Variants in PTPRB observed in about 807,000 individuals in gnomAD.
PTPRB encodes the protein protein tyrosine phosphatase receptor type B.
A neutral mutation model predicts 238.1 loss-of-function variants in PTPRB; 97 were observed. The observed-to-expected ratio is 0.41, with a 90% CI of 0.35 to 0.48. The LOEUF is 0.48. Among genes scored for constraint, PTPRB ranks in the 20% least tolerant of loss-of-function variants. PTPRB has a pLI of 0.30. For missense variants in PTPRB, 2,292 were observed against 2,681.9 expected (o/e 0.85, Z 3.21); for synonymous variants, 970 against 995.4 (o/e 0.97, Z 0.48).
intron 21 of PTPRB, among the ~76,000 whole-genome samples, chr12:70,547,016 T>G (rs954507801): frequency 3.3e-5 from 5 of 151,922 alleles, no homozygotes; most frequent in East Asian, 1.9e-4. Context: ...TCCTTTTTTT[T>G]TTTGTTTTTG....
chr12:70,571,204 G>A lies in PTPRB; in HGVS notation c.3192C>T (p.Val1064=), dbSNP rs765180328. The A allele has an allele frequency of 1.4e-5, 23 of 1,613,858 alleles. No individual in the cohort carries two copies. The highest frequency in any genetic ancestry group is 2.7e-5 in the African/African-American group (2 of 75,010). The change falls in exon 13 of 34, where the codon GTC becomes GTT. Residue 1064 remains valine (V), a synonymous_variant. Transcript: ENST00000334414. The part of the protein sequence containing the change: ...HVTWSGANGD[V]DQYEIQLLFN... ...AGAGCAGCTGGATCTCATATTGGTC[G>A]ACATCCCCATTAGCTCCTGACCAAG...
At chr12:70,619,310 GATGATAATGATA>G (rs746298593) in intron 3 of PTPRB, among the ~76,000 whole-genome samples, 9 of 143,352 alleles carry the variant, frequency 6.3e-5, no homozygotes, top group Non-Finnish European at 9.0e-5. Flanking sequence ...TGATGATGAT[GATGATAATGATA>G]ATGATAATGA....
intron 3 of PTPRB, among the ~76,000 whole-genome samples, chr12:70,613,282 C>G (rs1884541098): frequency 6.6e-6 from 1 of 152,004 alleles, no homozygotes; most frequent in South Asian, 2.1e-4. Context: ...CATTTCTTTC[C>G]TCCCTCCTGC....
intron 19 of PTPRB, 111 bp downstream of exon 19, chr12:70,555,759 A>G: frequency 7.4e-7 from 1 of 1,359,734 alleles, no homozygotes. Flanking sequence ...AGGCTTATGC[A>G]AAAGTGAAGT....
chr12:70,611,795 A>G (rs1281185304), intron 3 of PTPRB, among the ~76,000 whole-genome samples: 6 of 152,134 alleles, frequency 3.9e-5, no homozygotes, highest in African/African-American at 1.4e-4. Flanking sequence ...AAAACTCCCT[A>G]TTTCTCTGCC....
At position 70,571,198 on chromosome 12, in the gene PTPRB, T is replaced by C. The variant is rs763617055; in HGVS notation, c.3198A>G (p.Gln1066=). 15 of 1,613,890 alleles carry C rather than the reference T, an allele frequency of 9.3e-6. No homozygotes were observed. The highest frequency in any genetic ancestry group is 1.6e-4 in the Middle Eastern group (1 of 6,082). Residue 1066 remains glutamine (Q), a synonymous_variant, in exon 13 of 34, where the codon CAA becomes CAG. Coordinates refer to ENST00000334414, the MANE Select transcript of PTPRB (RefSeq NM_001109754.4). ...CATTGAAGAGCAGCTGGATCTCATA[T>C]TGGTCGACATCCCCATTAGCTCCTG... The part of the protein sequence containing the change: ...TWSGANGDVD[Q]YEIQLLFNDM...
chr12:70,590,071 T>C lies in PTPRB; in HGVS notation c.1943A>G (p.Gln648Arg). 6.2e-7 allele frequency: 1 copy of C among 1,614,010 alleles called. No homozygotes were observed. The highest frequency in any genetic ancestry group is 8.5e-7 in the Non-Finnish European group (1 of 1,179,874). Residue 648 changes from glutamine (Q) to arginine (R), a missense_variant, in exon 8 of 34, where the codon CAG (glutamine) becomes CGG (arginine). This residue lies in a region of PTPRB where 1,205 missense variants were observed against 1,287.8 expected (regional missense o/e 0.94). Transcript: ENST00000334414. Reference protein sequence around the residue: ...LNITVGKEETQYVMDDTGLVP... With the variant: ...LNITVGKEETRYVMDDTGLVP... ...GAGCCCCGTGTCATCCATGACATAC[T>C]GTGTTTCTTCCTTTCCCACAGTGAT...
chr12:70,539,151 A>G (rs1291207176), intron 26 of PTPRB, 137 bp from the exon 27 acceptor site: 1 of 702,796 alleles, frequency 1.4e-6, no homozygotes, highest in East Asian at 2.7e-5. Context: ...CTCAACATGC[A>G]TTAGCCCTGA....
intron 20 of PTPRB, 125 bp downstream of exon 20, chr12:70,555,035 G>C: frequency 9.0e-7 from 1 of 1,108,046 alleles, no homozygotes; most frequent in East Asian, 2.5e-5. Context: ...AGAGAGAGGG[G>C]TGAATGATAC....
chr12:70,531,154 G>C (rs1459622067), intron 32 of PTPRB, among the ~76,000 whole-genome samples: 2 of 152,166 alleles, frequency 1.3e-5, no homozygotes, highest in East Asian at 3.8e-4. Flanking sequence ...AGGTGGTTTT[G>C]GGATTAGTGG....
chr12:70,589,390 C>T (rs1035266439), intron 8 of PTPRB, among the ~76,000 whole-genome samples: 1 of 152,198 alleles, frequency 6.6e-6, no homozygotes, highest in African/African-American at 2.4e-5. Flanking sequence ...GGAAGTGCAA[C>T]TCTCTTATTT....
chr12:70,633,510 C>G (rs752592565), intron 2 of PTPRB, among the ~76,000 whole-genome samples: 1 of 152,004 alleles, frequency 6.6e-6, no homozygotes, highest in Non-Finnish European at 1.5e-5. Flanking sequence ...TAAGATGGAG[C>G]AGAAAAATAT....
chr12:70,530,163 T>G (rs914158747), intron 32 of PTPRB, among the ~76,000 whole-genome samples: 5 of 152,298 alleles, frequency 3.3e-5, no homozygotes, highest in African/African-American at 1.2e-4. Flanking sequence ...TGGATTCTAA[T>G]GAAAACCAAA....
At chr12:70,567,561 C>T (rs1004096001) in intron 14 of PTPRB, among the ~76,000 whole-genome samples, 6 of 152,078 alleles carry the variant, frequency 3.9e-5, no homozygotes, top group Admixed American at 1.3e-4. Context: ...TGAATCTAGC[C>T]ACTCCCTCTT....
chr12:70,524,991 A>G (rs567326396), intron 32 of PTPRB, among the ~76,000 whole-genome samples: 117 of 149,052 alleles, frequency 7.8e-4, no homozygotes, highest in East Asian at 2.5e-3. Flanking sequence ...GTGTGTGTGT[A>G]TATATATATA....
Position 70,566,520 on chromosome 12 carries a change from T to C in PTPRB, c.3819A>G (p.Leu1273=), listed in dbSNP as rs1159628769. ...GTATCTTGTATTTCTTGCCTGGTGTTAGATCTTCAAATTTGTGTTGCTTAG... is the reference window on the plus strand; with the variant it reads ...GTATCTTGTATTTCTTGCCTGGTGTCAGATCTTCAAATTTGTGTTGCTTAG... ...ATTKQHKFED[L]TPGKKYKIQI... is the part of the protein sequence containing the mutation. The change falls in exon 15 of 34, where the codon CTA becomes CTG. Residue 1273 remains leucine (L), a synonymous_variant. Transcript: ENST00000334414. The C allele has an allele frequency of 6.2e-7, 1 of 1,613,904 alleles. No individual in the cohort carries two copies. The highest frequency in any genetic ancestry group is 2.2e-5 in the East Asian group (1 of 44,894).
chr12:70,568,589 G>A (rs925673022), intron 14 of PTPRB, among the ~76,000 whole-genome samples: 9 of 152,100 alleles, frequency 5.9e-5, no homozygotes, highest in Admixed American at 2.6e-4. Flanking sequence ...GAGCTACCGC[G>A]CCTGGCCCGA....
At chr12:70,529,517 G>A (rs189131386) in intron 32 of PTPRB, among the ~76,000 whole-genome samples, 84 of 152,246 alleles carry the variant, frequency 5.5e-4, no homozygotes, top group East Asian at 5.2e-3. Context: ...CAACATAATT[G>A]TAGGATATTT....
chr12:70,569,615 C>G, intron 14 of PTPRB, 60 bp downstream of exon 14: 2 of 1,593,592 alleles, frequency 1.3e-6, no homozygotes, highest in Non-Finnish European at 1.7e-6. Flanking sequence ...CGTTCACTGT[C>G]CCATTTTGGA....
Sources: gnomAD v4.1 joint callset for allele counts (sites outside exome capture counted in the v4.1 genomes callset) on GRCh38, gnomAD v4.1.1 for gene constraint, gnomAD v4.1.1 regional missense constraint, MANE v1.5 for transcripts, NCBI Gene and HGNC (gene_info 2026-07-23, HGNC 2026-07-21) for gene names.